The following PI4KB variants were observed in gnomAD, a reference collection of about 807,000 sequenced individuals.
PI4KB encodes the protein PtdIns 4-kinase beta.
Under a neutral mutation model 81.4 loss-of-function variants are expected in PI4KB, and 23 were observed. The ratio of observed to expected loss-of-function variants is 0.28; its 90% CI spans 0.20 to 0.40. The LOEUF (loss-of-function observed/expected upper bound fraction) is 0.40. PI4KB is among the 10% of genes least tolerant of loss of function. The probability of loss-of-function intolerance (pLI) is 1.00; values close to 1 mark genes in which losing one functional copy is unlikely to be tolerated. For synonymous variants in PI4KB, 381 were observed against 406.8 expected (o/e 0.94, Z 0.76); for missense variants, 651 against 1,036.6 (o/e 0.63, Z 5.11).
chr1:151,295,724 G>A (rs1047789129), intron 9 of PI4KB, among the ~76,000 whole-genome samples: 5 of 152,036 alleles, frequency 3.3e-5, no homozygotes, highest in South Asian at 2.1e-4. Flanking sequence ...TACTATGAAC[G>A]GCTTATCAGC....
intron 3 of PI4KB, among the ~76,000 whole-genome samples, chr1:151,309,328 G>A (rs1696022278): frequency 6.6e-6 from 1 of 152,142 alleles, no homozygotes; most frequent in African/African-American, 2.4e-5. Flanking sequence ...CAGCATTTGG[G>A]TTAGGGGCCC....
chr1:151,293,854 G>A, intron 11 of PI4KB, 164 bp downstream of exon 11: 1 of 706,380 alleles, frequency 1.4e-6, no homozygotes, highest in East Asian at 2.9e-5. Context: ...GGGTCAGGAG[G>A]AATGTCCTAA....
Position 151,316,210 on chromosome 1 carries a change from T to C in PI4KB, c.272A>G (p.Asp91Gly), listed in dbSNP as rs1250759118. ...CTCCCTGATCTGGGCAGGTGGATCA[T>C]CTAGGCAACGGATCTCACTGTCCAC... Reference protein sequence around the residue: ...DGVDSEIRCLDDPPAQIREEE... With the variant: ...DGVDSEIRCLGDPPAQIREEE... The change falls in exon 2 of 12, where the codon GAT becomes GGT. Residue 91 changes from aspartate (D) to glycine (G), a missense_variant. By Grantham distance (94) the Asp-to-Gly change is moderately conservative. Coordinates refer to ENST00000368873, the MANE Select transcript of PI4KB (RefSeq NM_001369623.2). 1 of 1,614,008 alleles carries C rather than the reference T, an allele frequency of 6.2e-7. No homozygotes were observed. Among genetic ancestry groups the C allele is most frequent in the African/African-American group, 1.3e-5 (1 of 74,906 alleles).
intron 2 of PI4KB, 50 bp downstream of exon 2, chr1:151,315,523 C>T (rs376433073): frequency 3.1e-6 from 4 of 1,287,182 alleles, no homozygotes; most frequent in Non-Finnish European, 4.5e-6. Context: ...CATCCTGTCT[C>T]CATGCAGCCC....
At chr1:151,299,827 C>A (rs1040041373) in intron 8 of PI4KB, among the ~76,000 whole-genome samples, 2 of 152,030 alleles carry the variant, frequency 1.3e-5, no homozygotes, top group Non-Finnish European at 2.9e-5. Flanking sequence ...ATCAGAAGAT[C>A]AATATTTCAG....
Position 151,310,200 on chromosome 1 carries a change from G to A in PI4KB, c.954+11C>T. 6.3e-7 allele frequency: 1 copy of A among 1,599,446 alleles called. No homozygotes were observed. Among genetic ancestry groups the A allele is most frequent in the Non-Finnish European group, 8.5e-7 (1 of 1,171,366 alleles). On this transcript the variant is annotated intron_variant, in intron 3 of 11. Transcript: ENST00000368873. ...GAGCCTGCCACCCCGTCCCAGCCTG[G>A]CCCCACTTACGGAACTGAATGAATT...
intron 2 of PI4KB, among the ~76,000 whole-genome samples, chr1:151,314,567 T>A (rs1009968574): frequency 6.6e-6 from 1 of 152,208 alleles, no homozygotes; most frequent in Non-Finnish European, 1.5e-5. Flanking sequence ...GACTAGGCAC[T>A]ATATTTACTC....
intron 5 of PI4KB, among the ~76,000 whole-genome samples, chr1:151,305,197 T>G (rs1457710974): frequency 6.6e-6 from 1 of 152,132 alleles, no homozygotes; most frequent in Non-Finnish European, 1.5e-5. Context: ...AAATCCTGAC[T>G]TCAAGCGATC....
intron 2 of PI4KB, among the ~76,000 whole-genome samples, chr1:151,313,161 T>G (rs1262732418): frequency 6.6e-6 from 1 of 152,226 alleles, no homozygotes; most frequent in Non-Finnish European, 1.5e-5. Flanking sequence ...ATATTCATGT[T>G]TCTGTCTCTT....
At chr1:151,301,692 C>T (rs587629577) in intron 8 of PI4KB, 152 bp downstream of exon 8, 120 of 639,266 alleles carry the variant, frequency 1.9e-4, no homozygotes, top group South Asian at 3.8e-4. Context: ...CCACCACACC[C>T]GGCCATAATT....
rs116639428 is a variant in PI4KB, at chr1:151,312,853, A to G, written c.910-2598T>C. Among the ~76,000 whole-genome samples the G allele has an allele frequency of 6.9e-3, 1,047 of 152,240 alleles. 14 individuals are homozygous for G. The highest frequency in any genetic ancestry group is 0.024 in the African/African-American group (977 of 41,552). ...ATAGAGCACGACCTCATCTTTACAAAAAAATTTTTTAAAAATTAGCCAGGT... is the reference window on the plus strand; with the variant it reads ...ATAGAGCACGACCTCATCTTTACAAGAAAATTTTTTAAAAATTAGCCAGGT... On this transcript the variant is annotated intron_variant, in intron 2 of 11. Transcript: ENST00000368873.
At chr1:151,301,122 T>G (rs186632468) in intron 8 of PI4KB, among the ~76,000 whole-genome samples, 67 of 152,368 alleles carry the variant, frequency 4.4e-4, no homozygotes, top group African/African-American at 1.6e-3. Context: ...TTCTCTTTAC[T>G]CTGCTTTTGT....
intron 11 of PI4KB, chr1:151,293,813 C>T (rs926855424): frequency 3.6e-6 from 2 of 554,700 alleles, no homozygotes; most frequent in African/African-American, 3.9e-5. Context: ...CTGCTATCCC[C>T]TTCCCCAGCC....
intron 2 of PI4KB, among the ~76,000 whole-genome samples, chr1:151,314,520 G>A (rs919081717): frequency 7.9e-5 from 12 of 152,166 alleles, no homozygotes; most frequent in African/African-American, 2.7e-4. Flanking sequence ...TCCAACTGCT[G>A]CTGTAGCTTC....
At chr1:151,316,653 G>T in intron 1 of PI4KB, 144 bp from the exon 2 acceptor site, 1 of 535,510 alleles carries the variant, frequency 1.9e-6, no homozygotes, top group Non-Finnish European at 3.2e-6. Flanking sequence ...TTCAAAATCA[G>T]ATAAGAAGAC....
chr1:151,316,529 G>T lies in PI4KB; in HGVS notation c.-28-20C>A. The stretch of plus-strand genomic sequence containing the variant: ...TCCAAGCTACAGGAAGAGGGAGGGA[G>T]AAAAGAACAGAAAGGGAGACACATA... On this transcript the variant is annotated intron_variant, in intron 1 of 11. Transcript: ENST00000368873. 6.7e-7 allele frequency: 1 copy of T among 1,492,736 alleles called. No homozygotes were observed. The highest frequency in any genetic ancestry group is 9.0e-7 in the Non-Finnish European group (1 of 1,115,478). The allele number at this position is 1,492,736 out of a possible 1,614,324, so 92.5% of individuals were successfully genotyped here.
chr1:151,318,653 G>T (rs1049378742), intron 1 of PI4KB, among the ~76,000 whole-genome samples: 2 of 151,412 alleles, frequency 1.3e-5, no homozygotes, highest in Non-Finnish European at 2.9e-5. Flanking sequence ...CAGAGGTTGT[G>T]GTGAGCCGAG....
chr1:151,324,177 T>C (rs1412472167), intron 1 of PI4KB, among the ~76,000 whole-genome samples: 2 of 152,016 alleles, frequency 1.3e-5, no homozygotes, highest in African/African-American at 4.8e-5. Context: ...GCCAGGCTGG[T>C]TTCCAACTCT....
intron 1 of PI4KB, chr1:151,324,632 A>G: frequency 1.0e-5 from 3 of 298,472 alleles, no homozygotes; most frequent in Non-Finnish European, 1.5e-5. Context: ...TCAGGCTGAG[A>G]ACTCTGTGCA....
Sources: allele counts gnomAD v4.1 joint callset (sites outside exome capture counted in the v4.1 genomes callset), GRCh38; gene constraint gnomAD v4.1.1; transcripts MANE v1.5; gene names NCBI Gene and HGNC (gene_info 2026-07-23, HGNC 2026-07-21).